RBFOX3: variants seen among roughly 807,000 people sequenced by gnomAD.
RBFOX3 encodes the protein RNA binding fox-1 homolog 3, also known as RNA binding protein fox-1 homolog 3.
A neutral mutation model predicts 48.7 loss-of-function variants in RBFOX3; 17 were observed. The ratio of observed to expected loss-of-function variants is 0.35; its 90% CI spans 0.24 to 0.52. The LOEUF (loss-of-function observed/expected upper bound fraction) is 0.52, where lower values mean the gene tolerates loss of function less well. Ranked by LOEUF, RBFOX3 falls within the 20% of genes least tolerant of loss-of-function variation. The pLI is 0.94. For synonymous variants in RBFOX3, 212 were observed against 209.5 expected (o/e 1.01, Z -0.10); for missense variants, 382 against 497.5 (o/e 0.77, Z 2.21).
At position 79,205,856 on chromosome 17, in the gene RBFOX3, TTAAAG is replaced by T. The variant is rs2057411168; in HGVS notation, c.-34+29905_-34+29909del. Among the ~76,000 whole-genome samples the T allele has an allele frequency of 1.3e-5, 2 of 150,090 alleles. No homozygotes were observed. The highest frequency in any genetic ancestry group is 3.0e-5 in the Non-Finnish European group (2 of 67,556). Reference sequence around the variant, plus strand: ...CAGTTGGCTTTTTTTTTTTTTTTCCTTAAAGTAGTTTGCTTTTACATAGGAAGGAC... The same window carrying T: ...CAGTTGGCTTTTTTTTTTTTTTTCCTTAGTTTGCTTTTACATAGGAAGGAC... On this transcript the variant is annotated intron_variant, in intron 4 of 14. Coordinates refer to ENST00000693108, the MANE Select transcript of RBFOX3 (RefSeq NM_001350451.2). The surrounding 1 kb of genome is among the most constrained non-coding windows in gnomAD (Gnocchi z 4.5).
intron 4 of RBFOX3, among the ~76,000 whole-genome samples, chr17:79,221,432 C>T (rs2147437806): frequency 6.6e-6 from 1 of 152,358 alleles, no homozygotes; most frequent in East Asian, 1.9e-4. Flanking sequence ...GCTCTGCTCT[C>T]ATGCTTCCAC....
At chr17:79,453,972 G>T (rs2074026355) in intron 2 of RBFOX3, among the ~76,000 whole-genome samples, 1 of 152,156 alleles carries the variant, frequency 6.6e-6, no homozygotes, top group Non-Finnish European at 1.5e-5. Flanking sequence ...CTGGGGCGGT[G>T]CTAGGTGCCA....
chr17:79,313,100 G>C (rs2077071086), intron 2 of RBFOX3, among the ~76,000 whole-genome samples: 2 of 152,184 alleles, frequency 1.3e-5, no homozygotes, highest in South Asian at 4.1e-4. Context: ...CCTCTACATT[G>C]CTCTTGCTCT....
At chr17:79,587,794 C>G (rs1447970113) in intron 1 of RBFOX3, among the ~76,000 whole-genome samples, 2 of 152,014 alleles carry the variant, frequency 1.3e-5, no homozygotes, top group Non-Finnish European at 2.9e-5. Flanking sequence ...ATGAAGGAGC[C>G]CACGGGGAAG....
chr17:79,349,035 C>A (rs949407255), intron 2 of RBFOX3, among the ~76,000 whole-genome samples: 1 of 152,092 alleles, frequency 6.6e-6, no homozygotes, highest in Non-Finnish European at 1.5e-5. Flanking sequence ...GTGCCTCTAT[C>A]TCTCCCTCTT....
intron 2 of RBFOX3, among the ~76,000 whole-genome samples, chr17:79,446,978 T>G (rs1598736352): frequency 6.6e-6 from 1 of 152,254 alleles, no homozygotes; most frequent in African/African-American, 2.4e-5. Flanking sequence ...TTGCCTGCCC[T>G]GCAACACGAG....
chr17:79,368,981 C>T (rs2058153557), intron 2 of RBFOX3, among the ~76,000 whole-genome samples: 1 of 152,180 alleles, frequency 6.6e-6, no homozygotes, highest in African/African-American at 2.4e-5. Context: ...AAGGCAGATC[C>T]CAGTCACTCG....
chr17:79,182,815 C>G (rs1306042384), intron 4 of RBFOX3, among the ~76,000 whole-genome samples: 4 of 150,966 alleles, frequency 2.6e-5, no homozygotes, highest in Admixed American at 2.6e-4. Flanking sequence ...TGCAGCAGAG[C>G]TCGGCGCCCC....
In RBFOX3 at chr17:79,363,993, G is replaced by A. The variant is rs72849701; in HGVS notation, c.-174-56169C>T. Among the ~76,000 whole-genome samples, 13,949 of 152,192 alleles carry A rather than the reference G, an allele frequency of 0.092. 875 individuals carry two copies. The highest frequency in any genetic ancestry group is 0.14 in the Non-Finnish European group (9,658 of 68,008). On this transcript the variant is annotated intron_variant, in intron 2 of 14. Transcript: ENST00000693108. The surrounding 1 kb of genome is among the most constrained non-coding windows in gnomAD (Gnocchi z 4.7). ...CCACCACGCCCTCCTTTTCCACCAG[G>A]CTTTATGGGGCTGTGCCTTCTCAAG...
chr17:79,476,219 T>C (rs1269039719), intron 2 of RBFOX3, among the ~76,000 whole-genome samples: 1 of 152,234 alleles, frequency 6.6e-6, no homozygotes, highest in African/African-American at 2.4e-5. Context: ...TTGTTCTTAA[T>C]GCTTTAACAC....
rs960483012 is a variant in RBFOX3, at chr17:79,604,704, G to T, written c.-320+6122C>A. Among the ~76,000 whole-genome samples the T allele has an allele frequency of 1.4e-3, 214 of 152,328 alleles. 2 individuals carry two copies. Among genetic ancestry groups the T allele is most frequent in the Admixed American group, 5.9e-3 (90 of 15,306 alleles). On this transcript the variant is annotated intron_variant, in intron 1 of 14. Coordinates refer to ENST00000693108, the MANE Select transcript of RBFOX3 (RefSeq NM_001350451.2). ...GTTTAGTGAGAAATGATTTCTAAAG[G>T]TACCAGGGTGTTTGTACTTGCTTTA...
the RBFOX3 span, among the ~76,000 whole-genome samples, chr17:79,664,139 T>A: frequency 1.1e-4 from 16 of 151,740 alleles, no homozygotes; most frequent in African/African-American, 3.4e-4. Context: ...CTGCTTTTTT[T>A]AAGTGTGGTA....
chr17:79,194,753 GGTGT>G lies in RBFOX3; in HGVS notation c.-34+41009_-34+41012del, dbSNP rs56182116. Reference sequence around the variant, plus strand: ...AATTGAGACACTCCCTGTGTGTGTGGGTGTGTGTGTGTGTGTGTGTGTGTGTGAA... The same window carrying G: ...AATTGAGACACTCCCTGTGTGTGTGGGTGTGTGTGTGTGTGTGTGTGTGAA... On this transcript the variant is annotated intron_variant, in intron 4 of 14. Transcript: ENST00000693108. Among the ~76,000 whole-genome samples the G allele has an allele frequency of 8.7e-3, 1,295 of 149,094 alleles. 6 individuals carry two copies. The highest frequency in any genetic ancestry group is 0.014 in the South Asian group (66 of 4,670).
chr17:79,534,205 T>C (rs1330985268), intron 1 of RBFOX3, among the ~76,000 whole-genome samples: 3 of 152,170 alleles, frequency 2.0e-5, no homozygotes, highest in African/African-American at 7.2e-5. Context: ...AAAACGAAAA[T>C]GTCATCCAAC....
At chr17:79,383,333 A>T (rs2060170907) in intron 2 of RBFOX3, among the ~76,000 whole-genome samples, 1 of 152,238 alleles carries the variant, frequency 6.6e-6, no homozygotes, top group African/African-American at 2.4e-5. Context: ...TGCCTCCCCA[A>T]GCGGCCCAAG....
chr17:79,518,363 CTG>C, intron 1 of RBFOX3, among the ~76,000 whole-genome samples: 1 of 152,250 alleles, frequency 6.6e-6, no homozygotes, highest in Non-Finnish European at 1.5e-5. Context: ...GCGAGTGACA[CTG>C]TTTGGGAGAA....
chr17:79,434,433 GAA>G (rs2069020591), intron 2 of RBFOX3, among the ~76,000 whole-genome samples: 1 of 152,186 alleles, frequency 6.6e-6, no homozygotes, highest in Non-Finnish European at 1.5e-5. Flanking sequence ...AAGACCCAGA[GAA>G]CCCATGCCCC....
Position 79,363,301 on chromosome 17 carries a change from G to A in RBFOX3, c.-174-55477C>T, listed in dbSNP as rs549320781. Among the ~76,000 whole-genome samples the A allele has an allele frequency of 5.9e-5, 9 of 152,194 alleles. No individual in the cohort carries two copies. In the East Asian group the frequency reaches 1.7e-3, roughly 30 times the overall value. ...CAGAAGAACCAGGGGACTCTTTAAAGGGCAAATGCGCTGTGAATGGAGACT... is the reference window on the plus strand; with the variant it reads ...CAGAAGAACCAGGGGACTCTTTAAAAGGCAAATGCGCTGTGAATGGAGACT... On this transcript the variant is annotated intron_variant, in intron 2 of 14. Coordinates refer to ENST00000693108, the MANE Select transcript of RBFOX3 (RefSeq NM_001350451.2). The surrounding 1 kb of genome is among the most constrained non-coding windows in gnomAD (Gnocchi z 4.7).
At chr17:79,625,893 A>G in the RBFOX3 span, among the ~76,000 whole-genome samples, 1 of 152,304 alleles carries the variant, frequency 6.6e-6, no homozygotes, top group East Asian at 1.9e-4. Flanking sequence ...CCGCTAGGGC[A>G]TGGGAGGCAG....
Sources: gnomAD v4.1 joint callset for allele counts (sites outside exome capture counted in the v4.1 genomes callset) on GRCh38, gnomAD v4.1.1 for gene constraint, Gnocchi (gnomAD v3.1) non-coding constraint, MANE v1.5 for transcripts, NCBI Gene and HGNC (gene_info 2026-07-23, HGNC 2026-07-21) for gene names.